Variants in CLDN14 observed in about 807,000 individuals in gnomAD.
CLDN14 encodes claudin 14.
In CLDN14, 2 loss-of-function variants were observed where a neutral mutation model predicts 2.1. The ratio of observed to expected loss-of-function variants is 0.96; its 90% CI spans 0.39 to 3.01. The LOEUF (loss-of-function observed/expected upper bound fraction) is 3.01, where lower values mean the gene tolerates loss of function less well. CLDN14 is among the 30% of genes most tolerant of loss of function. The pLI is 0.09. For synonymous variants in CLDN14, 136 were observed against 154.4 expected, an observed-to-expected ratio of 0.88 and a Z score of 0.88; for missense variants, 298 against 328.0, an observed-to-expected ratio of 0.91 and a Z score of 0.71.
chr21:36,564,731 C>T (rs1361666418), intron 1 of CLDN14, among the ~76,000 whole-genome samples: 1 of 152,208 alleles, frequency 6.6e-6, no homozygotes, highest in Non-Finnish European at 1.5e-5. Flanking sequence ...ATTAAGGTTG[C>T]TAACCAGGTG....
At chr21:36,491,628 A>G (rs945995920) in intron 2 of CLDN14, among the ~76,000 whole-genome samples, 2 of 152,102 alleles carry the variant, frequency 1.3e-5, no homozygotes, top group Admixed American at 6.5e-5. Context: ...TGGAACAAGG[A>G]GGGGTATAAG....
chr21:36,569,676 G>A (rs1391459501), intron 1 of CLDN14, among the ~76,000 whole-genome samples: 4 of 152,166 alleles, frequency 2.6e-5, no homozygotes, highest in Non-Finnish European at 5.9e-5. Context: ...GCAGAACCAA[G>A]GTCCTGTCTC....
chr21:36,534,377 G>A (rs2087407686), intron 1 of CLDN14, among the ~76,000 whole-genome samples: 1 of 152,208 alleles, frequency 6.6e-6, no homozygotes, highest in Non-Finnish European at 1.5e-5. Context: ...AAGGGATGAT[G>A]GAAGCCCAGG....
intron 1 of CLDN14, among the ~76,000 whole-genome samples, chr21:36,568,494 G>A (rs556420828): frequency 6.6e-6 from 1 of 152,364 alleles, no homozygotes; most frequent in African/African-American, 2.4e-5. Flanking sequence ...CCCTGGCATG[G>A]GGATGGGGCA....
intron 2 of CLDN14, among the ~76,000 whole-genome samples, chr21:36,500,942 A>G (rs2087086707): frequency 6.6e-6 from 1 of 152,216 alleles, no homozygotes; most frequent in Non-Finnish European, 1.5e-5. Flanking sequence ...AACTCTACGC[A>G]GGGGGTATGA....
intron 1 of CLDN14, among the ~76,000 whole-genome samples, chr21:36,536,663 T>C (rs1391612903): frequency 6.6e-6 from 1 of 152,254 alleles, no homozygotes; most frequent in African/African-American, 2.4e-5. Flanking sequence ...ACGACACTAA[T>C]GTGTTTATAG....
At chr21:36,500,032 G>T (rs976269916) in intron 2 of CLDN14, among the ~76,000 whole-genome samples, 4 of 152,032 alleles carry the variant, frequency 2.6e-5, no homozygotes, top group African/African-American at 9.7e-5. Flanking sequence ...TATAATGTTT[G>T]CTTTGCTTTT....
intron 1 of CLDN14, among the ~76,000 whole-genome samples, chr21:36,534,165 G>A (rs193059199): frequency 1.3e-5 from 2 of 152,058 alleles, no homozygotes; most frequent in African/African-American, 2.4e-5. Flanking sequence ...GCAATGGCGC[G>A]ATCTCAGCTC....
rs1555850517 is a variant in CLDN14, at chr21:36,515,789, C to CTTTTTTT, written c.-219-5296_-219-5290dup. Among the ~76,000 whole-genome samples, 93 of 115,314 alleles carry CTTTTTTT rather than the reference C, an allele frequency of 8.1e-4. 5 individuals are homozygous for CTTTTTTT. Among genetic ancestry groups the CTTTTTTT allele is most frequent in the African/African-American group, 3.1e-3 (88 of 28,212 alleles). 75.7% of individuals were successfully genotyped at this position (115,314 alleles called of 152,430 possible). On this transcript the variant is annotated intron_variant, in intron 1 of 2. Transcript: ENST00000342108. ...AAGCTGTGTTTCCCTTTTATCTTCT[C>CTTTTTTT]TTTTTTTTTTTTTTTGAGACAGAGT...
intron 1 of CLDN14, among the ~76,000 whole-genome samples, chr21:36,566,280 A>C (rs1287542226): frequency 6.6e-6 from 1 of 152,242 alleles, no homozygotes; most frequent in Non-Finnish European, 1.5e-5. Flanking sequence ...AGAAAGATTA[A>C]GTGAATTAAT....
chr21:36,523,821 AAGAAAGAAAGAAAGAAAG>A (rs1249409110), intron 1 of CLDN14, among the ~76,000 whole-genome samples: 9 of 145,134 alleles, frequency 6.2e-5, no homozygotes, highest in African/African-American at 2.5e-4. Flanking sequence ...GAAAGAAAGA[AAGAAAGAAAGAAAGAAAG>A]AAAGTGGATT....
chr21:36,465,656 T>C (rs1036767816), intron 1 of CLDN14, among the ~76,000 whole-genome samples: 1 of 152,190 alleles, frequency 6.6e-6, no homozygotes, highest in African/African-American at 2.4e-5. Flanking sequence ...CCTGCAGGGC[T>C]GTTTGTATAG....
rs562286652 is a variant in CLDN14, at chr21:36,560,056, A to C, written c.-220+16355T>G. ...ACAAGTGTTTGACTTAGAAATGTAC[A>C]TAGTGTAGCAAATTTTTAAAGTACA... On this transcript the variant is annotated intron_variant, in intron 1 of 2. Coordinates refer to the CLDN14 transcript ENST00000342108. 5.8e-4 allele frequency among the ~76,000 whole-genome samples: 89 copies of C among 152,356 alleles called. 1 individual carries two copies. The highest frequency in any genetic ancestry group is 1.0e-3 in the Non-Finnish European group (69 of 68,024).
At chr21:36,524,469 C>T (rs1303894392) in intron 1 of CLDN14, among the ~76,000 whole-genome samples, 2 of 152,116 alleles carry the variant, frequency 1.3e-5, no homozygotes, top group Non-Finnish European at 2.9e-5. Flanking sequence ...TCAGTTATGG[C>T]AAGAAATGAG....
chr21:36,501,331 A>ATTTT (rs1471992472), intron 2 of CLDN14, among the ~76,000 whole-genome samples: 1 of 35,110 alleles, frequency 2.8e-5, no homozygotes, highest in African/African-American at 6.9e-5. Context: ...TCAATATCTC[A>ATTTT]CTTTTTTTTT....
chr21:36,574,264 T>C (rs2087727428), intron 1 of CLDN14, among the ~76,000 whole-genome samples: 2 of 152,204 alleles, frequency 1.3e-5, no homozygotes, highest in South Asian at 4.1e-4. Context: ...CACAGTCAAC[T>C]GATATTCCAC....
chr21:36,575,564 A>G (rs992992377), intron 1 of CLDN14, among the ~76,000 whole-genome samples: 4 of 149,868 alleles, frequency 2.7e-5, no homozygotes, highest in Non-Finnish European at 4.4e-5. Context: ...CAAAGGGAAC[A>G]AAAAAAACCA....
chr21:36,574,710 C>T (rs189305104), intron 1 of CLDN14, among the ~76,000 whole-genome samples: 5 of 152,122 alleles, frequency 3.3e-5, no homozygotes, highest in African/African-American at 4.8e-5. Flanking sequence ...GTTACTTATA[C>T]CTAAATTAAT....
intron 1 of CLDN14, among the ~76,000 whole-genome samples, chr21:36,565,520 G>A (rs911303821): frequency 3.3e-5 from 5 of 152,058 alleles, no homozygotes; most frequent in Admixed American, 3.3e-4. Context: ...TTCTAAAAGT[G>A]GCAGAGTGCT....
Sources: gnomAD v4.1 joint callset for allele counts (sites outside exome capture counted in the v4.1 genomes callset) on GRCh38, gnomAD v4.1.1 for gene constraint, MANE v1.5 for transcripts, NCBI Gene and HGNC (gene_info 2026-07-23, HGNC 2026-07-21) for gene names.